Variants in PDZRN4 observed in about 807,000 individuals in gnomAD.
PDZRN4 encodes PDZ domain-containing RING finger protein 4.
PDZRN4 carries 70 observed loss-of-function variants against 99.0 expected under a neutral mutation model. The ratio of observed to expected loss-of-function variants is 0.71; its 90% CI spans 0.58 to 0.86. PDZRN4 has a LOEUF of 0.86. Among genes scored for constraint, PDZRN4 ranks in the 40% least tolerant of loss-of-function variants. PDZRN4 has a pLI of 0.00. For synonymous variants in PDZRN4, 551 were observed against 501.6 expected, an observed-to-expected ratio of 1.10 and a Z score of -1.32; for missense variants, 1,474 against 1,331.2, an observed-to-expected ratio of 1.11 and a Z score of -1.67.
chr12:41,384,068 T>C (rs774601261), intron 3 of PDZRN4, among the ~76,000 whole-genome samples: 1 of 137,710 alleles, frequency 7.3e-6, no homozygotes, highest in Non-Finnish European at 1.5e-5. Context: ...AGTGGCGCGA[T>C]CTCAGCTCAC....
intron 3 of PDZRN4, among the ~76,000 whole-genome samples, chr12:41,478,829 T>C (rs989438748): frequency 3.3e-5 from 5 of 152,096 alleles, no homozygotes; most frequent in African/African-American, 1.2e-4. Flanking sequence ...TAGGAAAAAT[T>C]GATGAAGCTA....
chr12:41,195,460 A>T (rs1343949321), intron 3 of PDZRN4, among the ~76,000 whole-genome samples: 2 of 152,178 alleles, frequency 1.3e-5, no homozygotes, highest in African/African-American at 4.8e-5. Flanking sequence ...GCACTAAACA[A>T]AGTTGAATTT....
intron 3 of PDZRN4, among the ~76,000 whole-genome samples, chr12:41,198,348 C>T (rs1266669674): frequency 6.6e-6 from 1 of 152,000 alleles, no homozygotes. Context: ...CCCTGCAGCT[C>T]CAGGCCAATG....
intron 3 of PDZRN4, among the ~76,000 whole-genome samples, chr12:41,367,527 A>G (rs1269667380): frequency 6.6e-6 from 1 of 151,960 alleles, no homozygotes; most frequent in East Asian, 1.9e-4. Context: ...TAAATAAATA[A>G]AAAAGAAAGA....
chr12:41,192,063 G>A (rs575363007), intron 2 of PDZRN4, among the ~76,000 whole-genome samples: 42 of 152,180 alleles, frequency 2.8e-4, no homozygotes, highest in African/African-American at 1.0e-3. Context: ...TTACAGGTGT[G>A]AGCCACCATG....
chr12:41,343,691 T>TA (rs1254705418), intron 3 of PDZRN4, among the ~76,000 whole-genome samples: 2 of 150,606 alleles, frequency 1.3e-5, no homozygotes, highest in Non-Finnish European at 3.0e-5. Context: ...ACCATTGTTA[T>TA]CAGTAAGTAT....
At chr12:41,414,478 A>G (rs1039128522) in intron 3 of PDZRN4, among the ~76,000 whole-genome samples, 2 of 152,258 alleles carry the variant, frequency 1.3e-5, no homozygotes, top group East Asian at 3.9e-4. Flanking sequence ...ACTTTACATA[A>G]TTACATAATC....
At chr12:41,548,858 T>C (rs1939004816) in intron 5 of PDZRN4, among the ~76,000 whole-genome samples, 1 of 152,168 alleles carries the variant, frequency 6.6e-6, no homozygotes, top group African/African-American at 2.4e-5. Context: ...TTTGTGTCAT[T>C]CTATGATTAG....
At chr12:41,561,609 C>T (rs958001774) in intron 7 of PDZRN4, among the ~76,000 whole-genome samples, 1 of 145,190 alleles carries the variant, frequency 6.9e-6, no homozygotes, top group African/African-American at 2.5e-5. Context: ...TATATAAAGA[C>T]TATATATATA....
intron 8 of PDZRN4, among the ~76,000 whole-genome samples, chr12:41,567,341 G>T (rs1465386215): frequency 6.6e-6 from 1 of 152,046 alleles, no homozygotes; most frequent in African/African-American, 2.4e-5. Context: ...AGGATAGCAC[G>T]AGCGTATGGG....
chr12:41,483,656 T>C (rs1018815579), intron 3 of PDZRN4, among the ~76,000 whole-genome samples: 2 of 152,192 alleles, frequency 1.3e-5, no homozygotes, highest in African/African-American at 4.8e-5. Flanking sequence ...CTAAATCGAC[T>C]GTATGAGTTC....
intron 3 of PDZRN4, among the ~76,000 whole-genome samples, chr12:41,492,530 CA>C (rs1393677590): frequency 1.3e-5 from 2 of 151,914 alleles, no homozygotes; most frequent in Non-Finnish European, 2.9e-5. Context: ...GTGATTTGAG[CA>C]TTTTACCAGG....
intron 3 of PDZRN4, among the ~76,000 whole-genome samples, chr12:41,320,261 C>G (rs1364845037): frequency 6.6e-6 from 1 of 152,142 alleles, no homozygotes; most frequent in Non-Finnish European, 1.5e-5. Flanking sequence ...GACTCACAGA[C>G]CTGTGTGGGT....
At chr12:41,308,715 C>A (rs1367973355) in intron 3 of PDZRN4, among the ~76,000 whole-genome samples, 3 of 151,990 alleles carry the variant, frequency 2.0e-5, no homozygotes, top group African/African-American at 7.2e-5. Context: ...TGTTTGTGTT[C>A]AAAAAGAGCA....
At chr12:41,446,819 T>C (rs1277511542) in intron 3 of PDZRN4, among the ~76,000 whole-genome samples, 1 of 151,088 alleles carries the variant, frequency 6.6e-6, no homozygotes, top group African/African-American at 2.4e-5. Flanking sequence ...TGGATATTAT[T>C]CCCAATGGCC....
intron 5 of PDZRN4, among the ~76,000 whole-genome samples, chr12:41,510,268 T>C (rs1938284120): frequency 6.6e-6 from 1 of 152,150 alleles, no homozygotes; most frequent in Admixed American, 6.6e-5. Flanking sequence ...TCATTTGTTG[T>C]ATAATATTCT....
At chr12:41,335,561 G>C (rs540081895) in intron 3 of PDZRN4, among the ~76,000 whole-genome samples, 82 of 152,164 alleles carry the variant, frequency 5.4e-4, no homozygotes, top group African/African-American at 2.0e-3. Flanking sequence ...AGGTATTGAA[G>C]ATATTAAGAT....
At chr12:41,482,876 G>T (rs901328652) in intron 3 of PDZRN4, among the ~76,000 whole-genome samples, 4 of 152,016 alleles carry the variant, frequency 2.6e-5, no homozygotes, top group South Asian at 4.2e-4. Context: ...ATGAGGGAAT[G>T]GGGGAAGCAG....
At chr12:41,340,562 T>C (rs1345992368) in intron 3 of PDZRN4, among the ~76,000 whole-genome samples, 2 of 151,976 alleles carry the variant, frequency 1.3e-5, no homozygotes, top group Non-Finnish European at 2.9e-5. Context: ...ATTTACTGTA[T>C]ATTTTTAAAT....
Sources: gnomAD v4.1 joint callset for allele counts (sites outside exome capture counted in the v4.1 genomes callset) on GRCh38, gnomAD v4.1.1 for gene constraint, MANE v1.5 for transcripts, NCBI Gene and HGNC (gene_info 2026-07-23, HGNC 2026-07-21) for gene names.